PLCB1: variants seen among roughly 807,000 people sequenced by gnomAD.
PLCB1 encodes 1-phosphatidylinositol 4,5-bisphosphate phosphodiesterase beta-1.
PLCB1 carries 46 observed loss-of-function variants against 161.8 expected under a neutral mutation model. That is an observed-to-expected ratio of 0.28 (90% CI 0.22 to 0.36). The LOEUF (loss-of-function observed/expected upper bound fraction) is 0.36. PLCB1 is among the 10% of genes least tolerant of loss of function. PLCB1 has a pLI of 1.00. For missense variants in PLCB1, 1,016 were observed against 1,472.5 expected (o/e 0.69, Z 5.07); for synonymous variants, 517 against 503.7 (o/e 1.03, Z -0.35).
chr20:8,836,032 CT>C (rs1328971652), intron 31 of PLCB1, among the ~76,000 whole-genome samples: 1 of 151,468 alleles, frequency 6.6e-6, no homozygotes, highest in Admixed American at 6.6e-5. Flanking sequence ...ATGGTCTTAC[CT>C]ACCTGGCTGG....
chr20:8,364,340 G>T (rs941897294), intron 2 of PLCB1, among the ~76,000 whole-genome samples: 4 of 152,162 alleles, frequency 2.6e-5, no homozygotes, highest in Non-Finnish European at 5.9e-5. Context: ...TTTGGAAGTA[G>T]GTCCAGGGAT....
intron 10 of PLCB1, among the ~76,000 whole-genome samples, chr20:8,691,617 G>C (rs1259072085): frequency 6.6e-6 from 1 of 152,040 alleles, no homozygotes; most frequent in Non-Finnish European, 1.5e-5. Flanking sequence ...AATCCAAATA[G>C]GAAGAATTTC....
At chr20:8,618,195 A>G (rs1988084351) in intron 3 of PLCB1, among the ~76,000 whole-genome samples, 2 of 152,242 alleles carry the variant, frequency 1.3e-5, no homozygotes, top group African/African-American at 4.8e-5. Flanking sequence ...ATGTGAAAAA[A>G]GTGAACGAGA....
intron 19 of PLCB1, among the ~76,000 whole-genome samples, chr20:8,735,383 G>A (rs984144634): frequency 3.3e-5 from 5 of 152,230 alleles, no homozygotes; most frequent in African/African-American, 1.2e-4. Flanking sequence ...TGCTGCTCCT[G>A]TCCAGAATGG....
chr20:8,701,523 C>G (rs533536966), intron 11 of PLCB1, among the ~76,000 whole-genome samples: 113 of 152,276 alleles, frequency 7.4e-4, no homozygotes, highest in African/African-American at 2.6e-3. Flanking sequence ...CCCCTGACAC[C>G]CCCACTTTTT....
intron 1 of PLCB1, among the ~76,000 whole-genome samples, chr20:8,142,996 C>T (rs1411541615): frequency 6.6e-6 from 1 of 152,152 alleles, no homozygotes; most frequent in East Asian, 1.9e-4. Flanking sequence ...ATCTCTGAAT[C>T]CTGACTTCAT....
chr20:8,820,590 A>G (rs1985294888), intron 31 of PLCB1, among the ~76,000 whole-genome samples: 1 of 152,190 alleles, frequency 6.6e-6, no homozygotes, highest in Non-Finnish European at 1.5e-5. Context: ...AGTTAAGTTG[A>G]AGGTGTACAG....
chr20:8,303,706 AT>A (rs1318095538), intron 2 of PLCB1, among the ~76,000 whole-genome samples: 1 of 152,188 alleles, frequency 6.6e-6, no homozygotes, highest in Admixed American at 6.5e-5. Flanking sequence ...GGTGGCTGAA[AT>A]CCACCCTGTG....
intron 3 of PLCB1, among the ~76,000 whole-genome samples, chr20:8,503,367 T>C (rs1983506263): frequency 6.6e-6 from 1 of 152,142 alleles, no homozygotes; most frequent in Admixed American, 6.5e-5. Context: ...AAATTCCTGG[T>C]AAGACACCTC....
intron 25 of PLCB1, among the ~76,000 whole-genome samples, chr20:8,762,431 A>G (rs1372234506): frequency 6.6e-6 from 1 of 152,248 alleles, no homozygotes; most frequent in African/African-American, 2.4e-5. Flanking sequence ...TTAAGAGCAT[A>G]GTCTAAGGAA....
chr20:8,525,929 T>A (rs1366155936), intron 3 of PLCB1, among the ~76,000 whole-genome samples: 2 of 151,912 alleles, frequency 1.3e-5, no homozygotes, highest in African/African-American at 4.8e-5. Context: ...ATTTTTAGTA[T>A]TTTTTTTCCA....
intron 2 of PLCB1, among the ~76,000 whole-genome samples, chr20:8,202,788 A>G (rs1978329227): frequency 6.6e-6 from 1 of 152,284 alleles, no homozygotes; most frequent in African/African-American, 2.4e-5. Context: ...CTGATAGTCC[A>G]GTGTCATCAA....
intron 2 of PLCB1, among the ~76,000 whole-genome samples, chr20:8,340,276 C>A (rs1254966615): frequency 6.6e-6 from 1 of 152,184 alleles, no homozygotes; most frequent in African/African-American, 2.4e-5. Context: ...CTTTAAAGCT[C>A]CTGCTAGCTT....
intron 31 of PLCB1, among the ~76,000 whole-genome samples, chr20:8,814,822 T>C (rs1985005847): frequency 6.6e-6 from 1 of 152,312 alleles, no homozygotes; most frequent in African/African-American, 2.4e-5. Context: ...ATTGCTATGG[T>C]TTTGACATAA....
chr20:8,320,878 AAGG>A (rs1984885300), intron 2 of PLCB1, among the ~76,000 whole-genome samples: 1 of 151,606 alleles, frequency 6.6e-6, no homozygotes, highest in African/African-American at 2.4e-5. Context: ...AAGAAAGAAA[AAGG>A]AAAGAAAGAA....
intron 2 of PLCB1, among the ~76,000 whole-genome samples, chr20:8,164,090 G>T (rs546455015): frequency 6.6e-6 from 1 of 152,258 alleles, no homozygotes; most frequent in Admixed American, 6.5e-5. Context: ...AAGTGTAGGA[G>T]CCCTGAGGTC....
intron 1 of PLCB1, among the ~76,000 whole-genome samples, chr20:8,144,365 T>G (rs1464172935): frequency 1.3e-5 from 2 of 152,174 alleles, no homozygotes; most frequent in Non-Finnish European, 2.9e-5. Flanking sequence ...TGCACGACAC[T>G]TGAAGAACAA....
In PLCB1 at chr20:8,530,863, T is replaced by C. The variant is rs376449441; in HGVS notation, c.247-97431T>C. ...TTTCCCCAGATTCCAGTTGTAACAA[T>C]AGTTTTTATTGAATAATTATCTTTT... On this transcript the variant is annotated intron_variant, in intron 3 of 31. Transcript: ENST00000338037. 1.6e-4 allele frequency among the ~76,000 whole-genome samples: 24 copies of C among 152,222 alleles called. No individual in the cohort carries two copies. In the East Asian group the frequency reaches 2.5e-3, roughly 16 times the overall value.
chr20:8,343,635 T>C (rs751159259), intron 2 of PLCB1, among the ~76,000 whole-genome samples: 1 of 152,230 alleles, frequency 6.6e-6, no homozygotes, highest in Non-Finnish European at 1.5e-5. Context: ...ACTTCCAGGC[T>C]TCTTGGCATG....
Sources: gnomAD v4.1 joint callset for allele counts (sites outside exome capture counted in the v4.1 genomes callset) on GRCh38, gnomAD v4.1.1 for gene constraint, MANE v1.5 for transcripts, NCBI Gene and HGNC (gene_info 2026-07-23, HGNC 2026-07-21) for gene names.